The following RBMS3 variants were observed in gnomAD, a reference collection of about 807,000 sequenced individuals.
RBMS3 encodes the protein RNA-binding motif, single-stranded-interacting protein 3.
In RBMS3, 27 loss-of-function variants were observed where a neutral mutation model predicts 66.8. The ratio of observed to expected loss-of-function variants is 0.40; its 90% confidence interval spans 0.30 to 0.56. RBMS3 has a LOEUF of 0.56. Ranked by LOEUF, RBMS3 falls within the 20% of genes least tolerant of loss-of-function variation. The probability of loss-of-function intolerance (pLI) is 0.40; values close to 1 mark genes in which losing one functional copy is unlikely to be tolerated. For synonymous variants in RBMS3, 188 were observed against 183.0 expected, an observed-to-expected ratio of 1.03 and a Z score of -0.22; for missense variants, 513 against 549.5, an observed-to-expected ratio of 0.93 and a Z score of 0.66.
At chr3:29,597,286 G>C in intron 4 of RBMS3, among the ~76,000 whole-genome samples, 1 of 152,206 alleles carries the variant, frequency 6.6e-6, no homozygotes, top group South Asian at 2.1e-4. Flanking sequence ...CAGCACATCT[G>C]ACTTTTATTG....
intron 4 of RBMS3, among the ~76,000 whole-genome samples, chr3:29,627,817 C>G (rs1225542008): frequency 1.3e-5 from 2 of 152,008 alleles, no homozygotes; most frequent in East Asian, 3.9e-4. Context: ...AGAGAGGAAG[C>G]AAGAAAGATA....
intron 4 of RBMS3, among the ~76,000 whole-genome samples, chr3:29,655,753 A>G (rs997324151): frequency 6.6e-6 from 1 of 152,216 alleles, no homozygotes; most frequent in African/African-American, 2.4e-5. Context: ...AAACAACCTC[A>G]GGCAGGTCCT....
At chr3:29,620,340 CT>C (rs565543861) in intron 4 of RBMS3, among the ~76,000 whole-genome samples, 424 of 152,158 alleles carry the variant, frequency 2.8e-3, no homozygotes, top group Non-Finnish European at 4.2e-3. Context: ...TAATTGGCTA[CT>C]TTTCAATGAC....
At chr3:29,417,301 A>T (rs761904033) in intron 1 of RBMS3, among the ~76,000 whole-genome samples, 6 of 151,940 alleles carry the variant, frequency 3.9e-5, no homozygotes, top group Non-Finnish European at 8.8e-5. Context: ...ACATTGTATA[A>T]ACTTAAGGCA....
intron 2 of RBMS3, among the ~76,000 whole-genome samples, chr3:29,453,246 T>C (rs1269572705): frequency 2.0e-5 from 3 of 152,230 alleles, no homozygotes; most frequent in Non-Finnish European, 4.4e-5. Context: ...TTCTCTGGAA[T>C]GCTTTTACTC....
chr3:29,524,589 A>G (rs1244258201), intron 3 of RBMS3, among the ~76,000 whole-genome samples: 7 of 151,340 alleles, frequency 4.6e-5, no homozygotes, highest in Admixed American at 4.6e-4. Flanking sequence ...CACTGCGCCC[A>G]GCCAACTTTT....
chr3:29,961,095 T>A (rs114903665), intron 12 of RBMS3, among the ~76,000 whole-genome samples: 5,498 of 152,232 alleles, frequency 0.036, 201 homozygotes, highest in African/African-American at 0.088. Context: ...ACTTTTATGC[T>A]GTGTCACCTC....
At chr3:29,291,783 C>A (rs2032839207) in intron 1 of RBMS3, among the ~76,000 whole-genome samples, 2 of 151,814 alleles carry the variant, frequency 1.3e-5, no homozygotes, top group South Asian at 4.2e-4. Context: ...ATCTACGTGC[C>A]TTTTAAAGAA....
intron 1 of RBMS3, among the ~76,000 whole-genome samples, chr3:29,335,971 AG>A (rs2035924755): frequency 6.6e-6 from 1 of 152,070 alleles, no homozygotes; most frequent in African/African-American, 2.4e-5. Context: ...GGCAATTCTT[AG>A]GACTGGGCCT....
chr3:29,939,130 A>T (rs1209771253), intron 11 of RBMS3, among the ~76,000 whole-genome samples: 1 of 151,902 alleles, frequency 6.6e-6, no homozygotes, highest in Admixed American at 6.6e-5. Context: ...TAACGTCTCC[A>T]TTTCTTTGGC....
At chr3:29,649,886 C>A (rs1268747134) in intron 4 of RBMS3, among the ~76,000 whole-genome samples, 1 of 152,138 alleles carries the variant, frequency 6.6e-6, no homozygotes, top group Non-Finnish European at 1.5e-5. Flanking sequence ...AAATGCCATC[C>A]ATATCTATTG....
chr3:30,003,015 T>A (rs1240764787), intron 14 of RBMS3, among the ~76,000 whole-genome samples: 1 of 152,024 alleles, frequency 6.6e-6, no homozygotes, highest in African/African-American at 2.4e-5. Context: ...CTTGCATAAC[T>A]TTTTGCTGGC....
At chr3:29,683,505 G>A (rs1347550186) in intron 4 of RBMS3, among the ~76,000 whole-genome samples, 1 of 152,158 alleles carries the variant, frequency 6.6e-6, no homozygotes, top group African/African-American at 2.4e-5. Context: ...CTTTAGGAAA[G>A]TGTGAAGTTT....
chr3:29,328,780 T>C (rs1172536938), intron 1 of RBMS3, among the ~76,000 whole-genome samples: 3 of 152,128 alleles, frequency 2.0e-5, no homozygotes, highest in South Asian at 2.1e-4. Flanking sequence ...CAAATTCACA[T>C]TTGTTTACGT....
intron 4 of RBMS3, among the ~76,000 whole-genome samples, chr3:29,688,302 T>A (rs1415913704): frequency 2.0e-5 from 3 of 152,076 alleles, no homozygotes; most frequent in African/African-American, 7.2e-5. Context: ...TTTGCAGTGA[T>A]CCAAAAAATA....
intron 4 of RBMS3, among the ~76,000 whole-genome samples, chr3:29,729,397 T>G (rs2054028699): frequency 6.6e-6 from 1 of 152,166 alleles, no homozygotes; most frequent in Non-Finnish European, 1.5e-5. Flanking sequence ...TTGATGGACA[T>G]TTGGGTTGAT....
intron 1 of RBMS3, among the ~76,000 whole-genome samples, chr3:29,379,280 T>C (rs1019333334): frequency 5.9e-5 from 9 of 152,242 alleles, no homozygotes; most frequent in Admixed American, 5.2e-4. Context: ...TATGTAGCTG[T>C]AATCCAATAA....
chr3:29,492,271 A>T (rs555629184), intron 3 of RBMS3, among the ~76,000 whole-genome samples: 1 of 152,152 alleles, frequency 6.6e-6, no homozygotes, highest in South Asian at 2.1e-4. Flanking sequence ...TGATATGCCG[A>T]TGTATATTAG....
intron 1 of RBMS3, among the ~76,000 whole-genome samples, chr3:29,365,516 T>G (rs1275409484): frequency 1.3e-5 from 2 of 151,850 alleles, no homozygotes; most frequent in Non-Finnish European, 2.9e-5. Flanking sequence ...GGCTAAAATT[T>G]GAAAAAAAAA....
Sources: allele counts gnomAD v4.1 joint callset (sites outside exome capture counted in the v4.1 genomes callset), GRCh38; gene constraint gnomAD v4.1.1; transcripts MANE v1.5; gene names NCBI Gene and HGNC (gene_info 2026-07-23, HGNC 2026-07-21).